NEIL3: variants seen among roughly 807,000 people sequenced by gnomAD.
NEIL3 encodes nei like DNA glycosylase 3.
NEIL3 carries 48 observed loss-of-function variants against 57.5 expected under a neutral mutation model. That is an observed-to-expected ratio of 0.83 (90% CI 0.66 to 1.06). The LOEUF (loss-of-function observed/expected upper bound fraction) is 1.06, where lower values mean the gene tolerates loss of function less well. NEIL3 is among the 50% of genes least tolerant of loss of function. The probability of loss-of-function intolerance (pLI) is 0.00; values close to 1 mark genes in which losing one functional copy is unlikely to be tolerated. For synonymous variants in NEIL3, 261 were observed against 253.2 expected, an observed-to-expected ratio of 1.03 and a Z score of -0.29; for missense variants, 717 against 739.1, an observed-to-expected ratio of 0.97 and a Z score of 0.35.
Position 177,319,752 on chromosome 4 carries a change from G to A in NEIL3, c.157-2707G>A, listed in dbSNP as rs533231020. ...AAATTCTTTCCTACCGAAGAAGCAG[G>A]GAACGCTACTATATATGAGAGAGAG... is the stretch of plus-strand genomic sequence containing the variant. On this transcript the variant is annotated intron_variant, in intron 1 of 9. Coordinates refer to ENST00000264596, the MANE Select transcript of NEIL3 (RefSeq NM_018248.3). Among the ~76,000 whole-genome samples, 3 of 152,232 alleles carry A rather than the reference G, an allele frequency of 2.0e-5. No homozygotes were observed. In the East Asian group the frequency reaches 5.8e-4, roughly 29 times the overall value.
chr4:177,323,371 G>T (rs1216679340), intron 2 of NEIL3, among the ~76,000 whole-genome samples: 2 of 151,006 alleles, frequency 1.3e-5, no homozygotes, highest in Non-Finnish European at 3.0e-5. Flanking sequence ...TTTCTTAAAA[G>T]AAAAGACCTG....
At position 177,330,847 on chromosome 4, in the gene NEIL3, A is replaced by G. The variant is rs78147363; in HGVS notation, c.279-4841A>G. Among the ~76,000 whole-genome samples, 1,332 of 152,346 alleles carry G rather than the reference A, an allele frequency of 8.7e-3. 18 individuals are homozygous for G. The highest frequency in any genetic ancestry group is 0.03 in the African/African-American group (1,264 of 41,578). On this transcript the variant is annotated intron_variant, in intron 2 of 9. Coordinates refer to ENST00000264596, the MANE Select transcript of NEIL3 (RefSeq NM_018248.3). ...GTCTTCAAAATCTACTGTGTATTTT[A>G]TAATTAGAGTACACATTAATTTGAA...
chr4:177,319,221 G>A (rs1002312325), intron 1 of NEIL3, among the ~76,000 whole-genome samples: 5 of 152,138 alleles, frequency 3.3e-5, no homozygotes, highest in African/African-American at 1.2e-4. Context: ...CTCTTTGCTA[G>A]TAGCCATTAT....
At chr4:177,353,254 A>G (rs1735397194) in intron 7 of NEIL3, 54 bp from the exon 8 acceptor site, 1 of 1,399,668 alleles carries the variant, frequency 7.1e-7, no homozygotes, top group African/African-American at 1.5e-5. Flanking sequence ...GTTTCACATA[A>G]TCAGTATGTT....
At chr4:177,366,912 T>C (rs1403097762), downstream of NEIL3, among the ~76,000 whole-genome samples, 1 of 152,216 alleles carries the variant, frequency 6.6e-6, no homozygotes, top group African/African-American at 2.4e-5. Context: ...TTTTCCGTCA[T>C]CTCCACTCTA....
intron 2 of NEIL3, among the ~76,000 whole-genome samples, chr4:177,327,008 G>A (rs1299618768): frequency 6.6e-6 from 1 of 152,094 alleles, no homozygotes; most frequent in Non-Finnish European, 1.5e-5. Context: ...AAGGGAAAGA[G>A]GCGACTGGAT....
intron 2 of NEIL3, among the ~76,000 whole-genome samples, chr4:177,324,275 G>A (rs1734738678): frequency 6.6e-6 from 1 of 152,062 alleles, no homozygotes; most frequent in Non-Finnish European, 1.5e-5. Flanking sequence ...GCATATAGCA[G>A]GAAACACTTT....
chr4:177,324,948 A>AATAGATAG (rs1232327481), intron 2 of NEIL3, among the ~76,000 whole-genome samples: 3 of 80,244 alleles, frequency 3.7e-5, no homozygotes. Context: ...AAATTTAAAA[A>AATAGATAG]ACAGATAGAT....
At chr4:177,339,346 T>C (rs1735040723) in intron 4 of NEIL3, among the ~76,000 whole-genome samples, 1 of 152,184 alleles carries the variant, frequency 6.6e-6, no homozygotes, top group Non-Finnish European at 1.5e-5. Flanking sequence ...TAATCCCAGC[T>C]ACCTGGGAGG....
chr4:177,365,822 C>T (rs1227494606), downstream of NEIL3, among the ~76,000 whole-genome samples: 1 of 152,110 alleles, frequency 6.6e-6, no homozygotes, highest in Admixed American at 6.5e-5. Flanking sequence ...TCACAGTTTC[C>T]ATGAACCTAT....
At position 177,362,575 on chromosome 4, in the gene NEIL3, G is replaced by T. The variant is rs1321878241; in HGVS notation, c.*104G>T. 352 of 827,958 alleles carry T rather than the reference G, an allele frequency of 4.3e-4. No homozygotes were observed. Among genetic ancestry groups the T allele is most frequent in the Non-Finnish European group, 7.6e-5 (42 of 555,936 alleles). 51.3% of individuals were successfully genotyped at this position (827,958 alleles called of 1,614,324 possible). A position where few individuals can be genotyped will look rare whatever the true frequency, so the allele number is the denominator to read the frequency against. ...TAGAATATCTATGATACATTGAAAA[G>T]TTACTGCAATATTTGAGAACTGTTC... On this transcript the variant is annotated 3_prime_UTR_variant, in exon 10 of 10. Transcript: ENST00000264596.
chr4:177,366,078 C>T (rs1560925704), downstream of NEIL3, among the ~76,000 whole-genome samples: 1 of 151,980 alleles, frequency 6.6e-6, no homozygotes, highest in Non-Finnish European at 1.5e-5. Context: ...GGAAATAAAG[C>T]CAGGTGGAAA....
intron 1 of NEIL3, among the ~76,000 whole-genome samples, chr4:177,320,614 G>A (rs1044396668): frequency 2.0e-5 from 3 of 150,706 alleles, no homozygotes; most frequent in East Asian, 2.0e-4. Context: ...AGTAGCTGGG[G>A]CTACAGGCGC....
chr4:177,351,487 G>A lies in NEIL3; in HGVS notation c.977G>A (p.Cys326Tyr), dbSNP rs757801856. Residue 326 changes from cysteine to tyrosine, a missense_variant, in exon 7 of 10, where the codon TGT (cysteine) becomes TAT (tyrosine). By Grantham distance (194) the Cys-to-Tyr change is radical. Coordinates refer to ENST00000264596, the MANE Select transcript of NEIL3 (RefSeq NM_018248.3). ...KSEEHWTCVV[C>Y]TLINKPSSKA... is the part of the protein sequence containing the mutation. ...GAAGAGCACTGGACCTGTGTGGTGT[G>A]TACTTTAATCAATAAGCCCTCTTCT... 6.2e-7 allele frequency: 1 copy of A among 1,614,000 alleles called. No individual in the cohort carries two copies. Among genetic ancestry groups the A allele is most frequent in the East Asian group, 2.2e-5 (1 of 44,856 alleles).
chr4:177,328,171 A>G (rs764981658), intron 2 of NEIL3, among the ~76,000 whole-genome samples: 1 of 152,358 alleles, frequency 6.6e-6, no homozygotes, highest in Non-Finnish European at 1.5e-5. Flanking sequence ...AAAAAACAAA[A>G]CAGAAGACAT....
chr4:177,339,694 T>C, intron 4 of NEIL3, 89 bp from the exon 5 acceptor site: 1 of 834,330 alleles, frequency 1.2e-6, no homozygotes, highest in Non-Finnish European at 2.0e-6. Context: ...CTATTTACAG[T>C]TCTCTTTCAC....
chr4:177,317,592 C>G (rs1039769209), intron 1 of NEIL3, among the ~76,000 whole-genome samples: 1 of 79,044 alleles, frequency 1.3e-5, no homozygotes, highest in Non-Finnish European at 2.7e-5. Context: ...TTAGAACTTT[C>G]TTTTCTTTTT....
At chr4:177,352,403 A>T (rs1345041861) in intron 7 of NEIL3, among the ~76,000 whole-genome samples, 2 of 152,232 alleles carry the variant, frequency 1.3e-5, no homozygotes, top group African/African-American at 4.8e-5. Context: ...TCTGAAATGC[A>T]TTTATATGTC....
At chr4:177,367,170 A>C (rs1735702826), downstream of NEIL3, among the ~76,000 whole-genome samples, 1 of 151,434 alleles carries the variant, frequency 6.6e-6, no homozygotes, top group Non-Finnish European at 1.5e-5. Flanking sequence ...ATCTAGTCTC[A>C]TTCAGATGGC....
Sources: gnomAD v4.1 joint callset for allele counts (sites outside exome capture counted in the v4.1 genomes callset) on GRCh38, gnomAD v4.1.1 for gene constraint, MANE v1.5 for transcripts, NCBI Gene and HGNC (gene_info 2026-07-23, HGNC 2026-07-21) for gene names.